The following NAV2 variants were observed in gnomAD, a reference collection of about 807,000 sequenced individuals.
The protein encoded by NAV2 is neuron navigator 2.
NAV2 carries 54 observed loss-of-function variants against 223.2 expected under a neutral mutation model. The observed-to-expected ratio is 0.24, with a 90% CI of 0.19 to 0.30. The LOEUF is 0.30. Ranked by LOEUF, NAV2 falls within the 10% of genes least tolerant of loss-of-function variation. The probability of loss-of-function intolerance (pLI) is 1.00; values close to 1 mark genes in which losing one functional copy is unlikely to be tolerated. For synonymous variants in NAV2, 1,279 were observed against 1,239.3 expected, an observed-to-expected ratio of 1.03 and a Z score of -0.67; for missense variants, 2,806 against 3,147.5, an observed-to-expected ratio of 0.89 and a Z score of 2.60.
intron 1 of NAV2, 81 bp from the exon 2 acceptor site, chr11:19,832,403 G>C (rs2059994387): frequency 9.5e-7 from 1 of 1,055,446 alleles, no homozygotes; most frequent in Non-Finnish European, 1.5e-6. Context: ...AGTGGCCACT[G>C]TGCCGGCCCG....
intron 10 of NAV2, among the ~76,000 whole-genome samples, chr11:19,978,453 A>G (rs552981764): frequency 2.2e-4 from 33 of 152,182 alleles, no homozygotes; most frequent in Non-Finnish European, 1.2e-4. Flanking sequence ...ATGTGTTGAT[A>G]TATACGTCCA....
At chr11:19,530,346 A>G (rs2043991591) in intron 1 of NAV2, among the ~76,000 whole-genome samples, 1 of 152,192 alleles carries the variant, frequency 6.6e-6, no homozygotes, top group South Asian at 2.1e-4. Context: ...GCAGGGACTG[A>G]GCTCTGTCAG....
At chr11:20,038,772 T>A (rs574042214) in intron 12 of NAV2, among the ~76,000 whole-genome samples, 21 of 152,278 alleles carry the variant, frequency 1.4e-4, no homozygotes, top group Admixed American at 9.2e-4. Context: ...AGCATGTCCA[T>A]CAGGAAAGCA....
intron 1 of NAV2, among the ~76,000 whole-genome samples, chr11:19,665,347 G>C (rs1460896446): frequency 1.3e-5 from 2 of 152,218 alleles, no homozygotes; most frequent in Non-Finnish European, 2.9e-5. Context: ...AGCCGATGCT[G>C]TTTCTGAGGC....
At chr11:19,415,799 T>A (rs542274085) in intron 1 of NAV2, among the ~76,000 whole-genome samples, 1 of 152,196 alleles carries the variant, frequency 6.6e-6, no homozygotes, top group South Asian at 2.1e-4. Context: ...CATACACAAA[T>A]CAATAAACAT....
At chr11:19,625,777 A>T (rs1422069684) in intron 1 of NAV2, among the ~76,000 whole-genome samples, 2 of 152,016 alleles carry the variant, frequency 1.3e-5, no homozygotes, top group African/African-American at 4.8e-5. Flanking sequence ...TGTGGTTTTG[A>T]TGTGCATTTC....
intron 1 of NAV2, among the ~76,000 whole-genome samples, chr11:19,667,715 G>A (rs1235755995): frequency 6.6e-6 from 1 of 152,186 alleles, no homozygotes; most frequent in East Asian, 1.9e-4. Context: ...GTATCAATGT[G>A]TATTTTATAG....
At chr11:19,392,352 A>G (rs560296146) in intron 1 of NAV2, among the ~76,000 whole-genome samples, 1 of 151,130 alleles carries the variant, frequency 6.6e-6, no homozygotes, top group South Asian at 2.1e-4. Context: ...TTGTTCAGGA[A>G]TATACAATTT....
intron 1 of NAV2, among the ~76,000 whole-genome samples, chr11:19,488,317 C>T (rs1036173441): frequency 2.0e-5 from 3 of 152,192 alleles, no homozygotes; most frequent in Non-Finnish European, 4.4e-5. Context: ...CTTTATTAGT[C>T]GCAATAACAC....
intron 1 of NAV2, among the ~76,000 whole-genome samples, chr11:19,761,286 A>G (rs1408810784): frequency 6.6e-6 from 1 of 152,172 alleles, no homozygotes; most frequent in African/African-American, 2.4e-5. Context: ...AGAATGGCAA[A>G]ATTTCTATTC....
intron 1 of NAV2, among the ~76,000 whole-genome samples, chr11:19,391,276 G>T (rs1849239128): frequency 6.6e-6 from 1 of 152,174 alleles, no homozygotes; most frequent in African/African-American, 2.4e-5. Context: ...TTCACCCTTA[G>T]CTTCCATTCA....
chr11:19,416,613 A>C (rs1850380936), intron 1 of NAV2, among the ~76,000 whole-genome samples: 1 of 152,218 alleles, frequency 6.6e-6, no homozygotes, highest in African/African-American at 2.4e-5. Flanking sequence ...TTTCATAAGG[A>C]ACCAAAAAAG....
intron 6 of NAV2, among the ~76,000 whole-genome samples, chr11:19,928,680 T>C (rs143815792): frequency 1.7e-3 from 258 of 152,264 alleles, no homozygotes; most frequent in Non-Finnish European, 3.2e-3. Flanking sequence ...TCCATCAAGA[T>C]TGGAAATCAC....
At chr11:19,510,908 C>T (rs1229230595) in intron 1 of NAV2, 1 of 152,192 alleles carries the variant, frequency 6.6e-6, no homozygotes, top group African/African-American at 2.4e-5. Context: ...GAGGTTTTCA[C>T]TTTTATTTAT....
At chr11:19,728,295 C>A (rs1031201465) in intron 1 of NAV2, among the ~76,000 whole-genome samples, 1 of 152,146 alleles carries the variant, frequency 6.6e-6, no homozygotes, top group Non-Finnish European at 1.5e-5. Flanking sequence ...TGACTCTGGG[C>A]GCATATTCAG....
intron 1 of NAV2, among the ~76,000 whole-genome samples, chr11:19,494,211 G>T (rs771159177): frequency 5.3e-5 from 8 of 152,206 alleles, no homozygotes; most frequent in Non-Finnish European, 8.8e-5. Context: ...GAGCCAGTTA[G>T]GTCACTGTGG....
At chr11:19,677,689 G>A (rs1295931557) in intron 1 of NAV2, among the ~76,000 whole-genome samples, 1 of 152,248 alleles carries the variant, frequency 6.6e-6, no homozygotes, top group Admixed American at 6.5e-5. Context: ...CCCTGACTGA[G>A]TGATTTTGTG....
chr11:19,755,514 G>A (rs547385910), intron 1 of NAV2, among the ~76,000 whole-genome samples: 19 of 141,900 alleles, frequency 1.3e-4, no homozygotes, highest in African/African-American at 4.4e-4. Flanking sequence ...AGAGGCTGAT[G>A]AAAGTCCAAA....
Position 19,818,231 on chromosome 11 carries a change from A to ATTTTTTTT in NAV2, c.268-14229_268-14222dup, listed in dbSNP as rs34649376. ...CTGTCCCACCTGTGTGTATTTAGTG[A>ATTTTTTTT]TTTTTTTTTTTTTTTTTTTTTTTTT... On this transcript the variant is annotated intron_variant, in intron 1 of 37. Coordinates refer to ENST00000349880, the MANE Select transcript of NAV2 (RefSeq NM_145117.5). Among the ~76,000 whole-genome samples, 38 of 56,038 alleles carry ATTTTTTTT rather than the reference A, an allele frequency of 6.8e-4. 7 individuals are homozygous for ATTTTTTTT. Among genetic ancestry groups the ATTTTTTTT allele is most frequent in the African/African-American group, 3.1e-3 (36 of 11,532 alleles). The allele number at this position is 56,038 out of a possible 152,430, so 36.8% of individuals were successfully genotyped here.
Sources: allele counts gnomAD v4.1 joint callset (sites outside exome capture counted in the v4.1 genomes callset), GRCh38; gene constraint gnomAD v4.1.1; transcripts MANE v1.5; gene names NCBI Gene and HGNC (gene_info 2026-07-23, HGNC 2026-07-21).